Variants in OR51B5 observed in about 807,000 individuals in gnomAD.
OR51B5 encodes olfactory receptor family 51 subfamily B member 5.
For missense variants in OR51B5, 456 were observed against 374.6 expected (o/e 1.22, Z -1.79); for synonymous variants, 186 against 144.8 (o/e 1.28, Z -2.04).
chr11:5,381,638 C>T (rs187908295), intron 1 of OR51B5, among the ~76,000 whole-genome samples: 412 of 152,254 alleles, frequency 2.7e-3, no homozygotes, highest in South Asian at 6.2e-3. Context: ...TCTCACAGGA[C>T]GCACTTAATG....
intron 1 of OR51B5, chr11:5,488,861 T>C (rs1454782978): frequency 1.2e-6 from 2 of 1,613,940 alleles, no homozygotes; most frequent in South Asian, 1.1e-5. Context: ...ATCCTGGTCA[T>C]TGCCATGGAC....
chr11:5,478,649 T>C (rs1851358931), intron 1 of OR51B5, among the ~76,000 whole-genome samples: 1 of 149,982 alleles, frequency 6.7e-6, no homozygotes, highest in South Asian at 2.1e-4. Context: ...GAATAACCAA[T>C]ACAGAGAAGT....
chr11:5,353,291 T>C (rs1484856304), intron 1 of OR51B5, among the ~76,000 whole-genome samples: 1 of 152,214 alleles, frequency 6.6e-6, no homozygotes, highest in Non-Finnish European at 1.5e-5. Context: ...AACAGAGATA[T>C]AATTTCTAAT....
intron 1 of OR51B5, chr11:5,385,218 T>G (rs967818970): frequency 3.3e-5 from 5 of 152,148 alleles, no homozygotes; most frequent in Non-Finnish European, 5.9e-5. Context: ...TTAGTAGACA[T>G]GAAAAAATGA....
At chr11:5,356,150 A>C (rs991699771) in intron 1 of OR51B5, among the ~76,000 whole-genome samples, 6 of 152,196 alleles carry the variant, frequency 3.9e-5, no homozygotes, top group Non-Finnish European at 7.3e-5. Flanking sequence ...AGTTGAGAGA[A>C]GAAGGCTTCA....
rs1236852763 is a variant in OR51B5, at chr11:5,440,748, G to A, written n.84+64821C>T. The A allele has an allele frequency of 1.9e-5, 31 of 1,613,794 alleles. 1 individual carries two copies. Among genetic ancestry groups the A allele is most frequent in the Admixed American group, 5.0e-5 (3 of 59,906 alleles). On this transcript the variant is annotated intron_variant and non_coding_transcript_variant, in intron 1 of 4. Coordinates refer to the OR51B5 transcript ENST00000415970. ...GTGAATCATGGAGACAGCAATTATG[G>A]GCACATAAAAGGCCAGCACTGCACA... is the stretch of plus-strand genomic sequence containing the variant.
At chr11:5,386,667 G>A (rs916980532) in intron 1 of OR51B5, among the ~76,000 whole-genome samples, 16 of 151,904 alleles carry the variant, frequency 1.1e-4, no homozygotes, top group Admixed American at 9.8e-4. Context: ...ATGGACCAAG[G>A]GAAGGAGGAG....
At position 5,478,906 on chromosome 11, in the gene OR51B5, A is replaced by G. The variant is rs919847752; in HGVS notation, n.84+26663T>C. 3.7e-3 allele frequency among the ~76,000 whole-genome samples: 563 copies of G among 150,966 alleles called. 4 individuals are homozygous for G. Among genetic ancestry groups the G allele is most frequent in the Admixed American group, 6.4e-3 (97 of 15,202 alleles). On this transcript the variant is annotated intron_variant and non_coding_transcript_variant, in intron 1 of 4. Transcript: ENST00000415970. ...CTGATTGGTGGACCTGAAAGTGATG[A>G]GGAGAATGGAACCAAGTTGGAAAAC...
chr11:5,504,206 A>G (rs917056343), intron 1 of OR51B5, among the ~76,000 whole-genome samples: 1 of 152,110 alleles, frequency 6.6e-6, no homozygotes, highest in Admixed American at 6.5e-5. Context: ...TAAAGAAAAA[A>G]AAGAAATAAC....
At chr11:5,453,552 A>G (rs965338906) in intron 1 of OR51B5, 1 of 1,607,726 alleles carries the variant, frequency 6.2e-7, no homozygotes. Context: ...TGGTCTGGAG[A>G]GCTCTCACTC....
At chr11:5,454,292 C>T (rs1271642084) in intron 1 of OR51B5, 2 of 1,614,036 alleles carry the variant, frequency 1.2e-6, no homozygotes, top group Non-Finnish European at 8.5e-7. Context: ...GGAAGCATGT[C>T]CCATGCTACA....
At chr11:5,368,130 G>A (rs75318247) in intron 1 of OR51B5, among the ~76,000 whole-genome samples, 1 of 152,140 alleles carries the variant, frequency 6.6e-6, no homozygotes, top group Non-Finnish European at 1.5e-5. Flanking sequence ...CAGATTTGTT[G>A]CATCTTCAAC....
intron 1 of OR51B5, chr11:5,402,906 G>C (rs1385296175): frequency 8.5e-6 from 4 of 471,242 alleles, no homozygotes; most frequent in South Asian, 6.2e-5. Context: ...TCTTTTTCCA[G>C]ATGTTCTCCA....
chr11:5,364,318 T>A (rs1017761740), intron 1 of OR51B5, among the ~76,000 whole-genome samples: 1 of 152,128 alleles, frequency 6.6e-6, no homozygotes, highest in Non-Finnish European at 1.5e-5. Context: ...CACAAAACCA[T>A]TGGAATTTGG....
In OR51B5 at chr11:5,464,598, C is replaced by T. The variant is rs571005790; in HGVS notation, n.84+40971G>A. 1.0e-3 allele frequency among the ~76,000 whole-genome samples: 158 copies of T among 151,800 alleles called. 5 individuals are homozygous for T. In the South Asian group the frequency reaches 0.031, roughly 30 times the overall value. On this transcript the variant is annotated intron_variant and non_coding_transcript_variant, in intron 1 of 4. Coordinates refer to the OR51B5 transcript ENST00000415970. Reference sequence around the variant, plus strand: ...GATGATTTCCAATTTCATCCATGTCCCTACAAAGGACATGAACTCATCATT... The same window carrying T: ...GATGATTTCCAATTTCATCCATGTCTCTACAAAGGACATGAACTCATCATT...
chr11:5,490,093 G>A (rs549100212), intron 1 of OR51B5, among the ~76,000 whole-genome samples: 22 of 152,330 alleles, frequency 1.4e-4, no homozygotes, highest in Middle Eastern at 3.4e-3. Context: ...TAAAGTCAGA[G>A]TGCCTGCGTT....
At chr11:5,380,687 C>T (rs1849595246) in intron 1 of OR51B5, among the ~76,000 whole-genome samples, 1 of 152,090 alleles carries the variant, frequency 6.6e-6, no homozygotes, top group Non-Finnish European at 1.5e-5. Context: ...GCTAAGAAAA[C>T]CTATCTCTCT....
intron 1 of OR51B5, among the ~76,000 whole-genome samples, chr11:5,372,259 GATTTT>G (rs1434052189): frequency 1.3e-5 from 2 of 152,080 alleles, no homozygotes; most frequent in African/African-American, 4.8e-5. Context: ...AGAAAATGCG[GATTTT>G]ATTTATTTTG....
At chr11:5,426,735 C>T (rs761326612) in intron 1 of OR51B5, among the ~76,000 whole-genome samples, 3 of 152,146 alleles carry the variant, frequency 2.0e-5, no homozygotes, top group Non-Finnish European at 4.4e-5. Flanking sequence ...ACCAAGGTCT[C>T]TCTCTGTCTC....
Sources: allele counts gnomAD v4.1 joint callset (sites outside exome capture counted in the v4.1 genomes callset), GRCh38; gene constraint gnomAD v4.1.1; transcripts MANE v1.5; gene names NCBI Gene and HGNC (gene_info 2026-07-23, HGNC 2026-07-21).